Variants in PPP6R2 observed in about 807,000 individuals in gnomAD.
The protein encoded by PPP6R2 is protein phosphatase 6 regulatory subunit 2.
In PPP6R2, 62 loss-of-function variants were observed where a neutral mutation model predicts 100.2. That is an observed-to-expected ratio of 0.62 (90% CI 0.50 to 0.76). The LOEUF (loss-of-function observed/expected upper bound fraction) is 0.76. PPP6R2 is among the 30% of genes least tolerant of loss of function. The probability of loss-of-function intolerance (pLI) is 0.00; values close to 1 mark genes in which losing one functional copy is unlikely to be tolerated. For missense variants in PPP6R2, 1,142 were observed against 1,276.3 expected (o/e 0.89, Z 1.60); for synonymous variants, 525 against 514.7 (o/e 1.02, Z -0.27).
chr22:50,404,748 G>A (rs1442560858), intron 3 of PPP6R2, among the ~76,000 whole-genome samples: 32 of 152,026 alleles, frequency 2.1e-4, no homozygotes, highest in East Asian at 1.9e-4. Context: ...TTACCTGCAC[G>A]TTCAGATGAG....
chr22:50,339,534 GGTGTGTGTGTGGTGTGT>G (rs2042344973), upstream of PPP6R2, among the ~76,000 whole-genome samples: 1 of 135,370 alleles, frequency 7.4e-6, no homozygotes, highest in African/African-American at 2.8e-5. Context: ...TGTGGTGTGT[GGTGTGTGTGTGGTGTGT>G]GTGTGGTGTG....
At chr22:50,390,736 C>G (rs1176930242) in intron 2 of PPP6R2, among the ~76,000 whole-genome samples, 2 of 152,142 alleles carry the variant, frequency 1.3e-5, no homozygotes, top group Admixed American at 1.3e-4. Flanking sequence ...CGCGGTCGTT[C>G]ACACCTGTAA....
In PPP6R2 at chr22:50,438,202, G is replaced by C; in HGVS notation, c.1868G>C (p.Cys623Ser). Reference sequence around the variant, plus strand: ...AGCGCAGCTCTGTTTGAGGCCTGCTGCAGTGACCGCATCCAGCCCTTTGAT... The same window carrying C: ...AGCGCAGCTCTGTTTGAGGCCTGCTCCAGTGACCGCATCCAGCCCTTTGAT... ...SPSAALFEAC[C>S]SDRIQPFDDD... The change falls in exon 18 of 24, where the codon TGC (cysteine) becomes TCC (serine). Residue 623 changes from cysteine (C) to serine (S), a missense_variant. Coordinates refer to ENST00000612753, the MANE Select transcript of PPP6R2 (RefSeq NM_001242898.2). 1 of 1,613,886 alleles carries C rather than the reference G, an allele frequency of 6.2e-7. No individual in the cohort carries two copies. The highest frequency in any genetic ancestry group is 8.5e-7 in the Non-Finnish European group (1 of 1,179,958).
Position 50,414,446 on chromosome 22 carries a change from G to C in PPP6R2, c.415-106G>C, listed in dbSNP as rs2060237123. The C allele has an allele frequency of 8.6e-6, 11 of 1,285,118 alleles. No individual in the cohort carries two copies. In the South Asian group the frequency reaches 1.5e-4, roughly 17 times the overall value. 79.6% of individuals were successfully genotyped at this position (1,285,118 alleles called of 1,614,324 possible). ...TTGTCTGGGTCTTTCCGTTATTTCT[G>C]CTTAATATAATTACTAGTTCAACTT... is the stretch of plus-strand genomic sequence containing the variant. On this transcript the variant is annotated intron_variant, in intron 4 of 23. Coordinates refer to ENST00000612753, the MANE Select transcript of PPP6R2 (RefSeq NM_001242898.2).
At chr22:50,362,942 T>C (rs1326761992) in intron 1 of PPP6R2, among the ~76,000 whole-genome samples, 1 of 152,166 alleles carries the variant, frequency 6.6e-6, no homozygotes, top group African/African-American at 2.4e-5. Flanking sequence ...ACCGGGTCAG[T>C]GGAGGGCAAG....
At chr22:50,337,109 A>AGAGT in the PPP6R2 span, among the ~76,000 whole-genome samples, 1 of 147,496 alleles carries the variant, frequency 6.8e-6, no homozygotes, top group African/African-American at 2.5e-5. Flanking sequence ...TGATGAAGAG[A>AGAGT]GTGTGTGTGT....
At chr22:50,352,748 AAAAAC>A (rs2045599469) in intron 1 of PPP6R2, among the ~76,000 whole-genome samples, 1 of 150,584 alleles carries the variant, frequency 6.6e-6, no homozygotes, top group African/African-American at 2.4e-5. Context: ...AACAAAAAAA[AAAAAC>A]ACACAAAACA....
At chr22:50,364,381 T>C (rs1194927513) in intron 1 of PPP6R2, among the ~76,000 whole-genome samples, 1 of 152,228 alleles carries the variant, frequency 6.6e-6, no homozygotes, top group African/African-American at 2.4e-5. Context: ...AGTGATTGTC[T>C]CTCAAGAAGG....
intron 1 of PPP6R2, among the ~76,000 whole-genome samples, chr22:50,349,884 G>A (rs1221235568): frequency 6.6e-6 from 1 of 150,910 alleles, no homozygotes; most frequent in Admixed American, 6.6e-5. Context: ...TTGGGAGGCC[G>A]AGGCGGGTGG....
chr22:50,361,842 G>A (rs2148347044), intron 1 of PPP6R2, among the ~76,000 whole-genome samples: 1 of 152,206 alleles, frequency 6.6e-6, no homozygotes, highest in South Asian at 2.1e-4. Flanking sequence ...TGGGCCTTTG[G>A]TTTCCTGCAG....
At chr22:50,363,934 G>A (rs1283534225) in intron 1 of PPP6R2, among the ~76,000 whole-genome samples, 1 of 146,068 alleles carries the variant, frequency 6.8e-6, no homozygotes. Flanking sequence ...TGCTCTTGTC[G>A]CCCAGGCTGG....
chr22:50,400,286 G>A (rs2057805929), intron 3 of PPP6R2, among the ~76,000 whole-genome samples: 2 of 152,216 alleles, frequency 1.3e-5, no homozygotes, highest in African/African-American at 2.4e-5. Flanking sequence ...TCCATCTCCT[G>A]TCATGGCTTC....
chr22:50,350,573 C>T (rs574541533), intron 1 of PPP6R2, among the ~76,000 whole-genome samples: 4 of 151,302 alleles, frequency 2.6e-5, no homozygotes, highest in South Asian at 2.1e-4. Flanking sequence ...AGGCTGGGCG[C>T]GGTGGCTCAC....
chr22:50,428,646 G>A (rs1459410916), intron 10 of PPP6R2, among the ~76,000 whole-genome samples: 1 of 152,068 alleles, frequency 6.6e-6, no homozygotes, highest in Non-Finnish European at 1.5e-5. Flanking sequence ...GAGTCTGGGA[G>A]GTCAGGGCTG....
chr22:50,397,576 CT>C lies in PPP6R2; in HGVS notation c.227+3442del, dbSNP rs1569404057. 6.4e-3 allele frequency among the ~76,000 whole-genome samples: 553 copies of C among 86,802 alleles called. 23 individuals carry two copies. The highest frequency in any genetic ancestry group is 9.6e-3 in the East Asian group (23 of 2,386). 56.9% of individuals were successfully genotyped at this position (86,802 alleles called of 152,430 possible). The stretch of plus-strand genomic sequence containing the variant: ...GGCCTGTCCTCACCAGCCCTGTCAT[CT>C]CTGAGTTTTTCTCTGAGGAGTGTGA... On this transcript the variant is annotated intron_variant, in intron 3 of 23. Transcript: ENST00000612753.
chr22:50,410,098 T>C (rs1219041967), intron 4 of PPP6R2, among the ~76,000 whole-genome samples: 1 of 152,218 alleles, frequency 6.6e-6, no homozygotes, highest in Non-Finnish European at 1.5e-5. Context: ...TTTATTGTTT[T>C]AGAATAAGCA....
In PPP6R2 at chr22:50,444,535, TGG is replaced by T. The variant is rs2066615467; in HGVS notation, c.*292_*293del. 1 of 66,972 alleles carries T rather than the reference TGG, an allele frequency of 1.5e-5. No homozygotes were observed. Among genetic ancestry groups the T allele is most frequent in the African/African-American group, 1.4e-4 (1 of 7,248 alleles). 4.1% of individuals were successfully genotyped at this position (66,972 alleles called of 1,614,324 possible). On this transcript the variant is annotated 3_prime_UTR_variant, in exon 24 of 24. Coordinates refer to ENST00000612753, the MANE Select transcript of PPP6R2 (RefSeq NM_001242898.2). ...CGGCCTGCAGGAGCCGGGGTGGGGG[TGG>T]GGGTGGGGGGGGCAGGACCCTGAGA...
At chr22:50,354,509 A>C (rs1428837085) in intron 1 of PPP6R2, among the ~76,000 whole-genome samples, 1 of 151,998 alleles carries the variant, frequency 6.6e-6, no homozygotes, top group East Asian at 1.9e-4. Flanking sequence ...AGTCAAGTGA[A>C]GCACTGGGAG....
intron 7 of PPP6R2, 128 bp from the exon 8 acceptor site, chr22:50,419,221 C>T (rs557294692): frequency 1.3e-5 from 11 of 844,176 alleles, no homozygotes; most frequent in South Asian, 6.7e-5. Context: ...AGAACCCTGG[C>T]GCCTTGCCTT....
Sources: gnomAD v4.1 joint callset for allele counts (sites outside exome capture counted in the v4.1 genomes callset) on GRCh38, gnomAD v4.1.1 for gene constraint, MANE v1.5 for transcripts, NCBI Gene and HGNC (gene_info 2026-07-23, HGNC 2026-07-21) for gene names.